The following SLC5A8 variants were observed in gnomAD, a reference collection of about 807,000 sequenced individuals.
The protein encoded by SLC5A8 is sodium-coupled monocarboxylate transporter 1.
A neutral mutation model predicts 71.9 loss-of-function variants in SLC5A8; 55 were observed. That is an observed-to-expected ratio of 0.77 (90% CI 0.62 to 0.96). The LOEUF (loss-of-function observed/expected upper bound fraction) is 0.96. SLC5A8 is among the 40% of genes least tolerant of loss of function. SLC5A8 has a pLI of 0.00. For missense variants in SLC5A8, 701 were observed against 745.3 expected (o/e 0.94, Z 0.69); for synonymous variants, 307 against 276.1 (o/e 1.11, Z -1.11).
chr12:101,207,224 A>G (rs992529821), intron 1 of SLC5A8, among the ~76,000 whole-genome samples: 2 of 152,192 alleles, frequency 1.3e-5, no homozygotes, highest in African/African-American at 4.8e-5. Flanking sequence ...TTCTCTCTGC[A>G]CTGGCGTAAG....
Position 101,167,357 on chromosome 12 carries a change from AAGG to A in SLC5A8, c.1321-661_1321-659del, listed in dbSNP as rs763750044. Among the ~76,000 whole-genome samples, 428 of 152,326 alleles carry A rather than the reference AAGG, an allele frequency of 2.8e-3. 1 individual carries two copies. The highest frequency in any genetic ancestry group is 5.2e-3 in the Non-Finnish European group (356 of 68,016). On this transcript the variant is annotated intron_variant, in intron 11 of 14. Transcript: ENST00000536262. ...GCCTTACCAATTCCTAATGCCTTATAAGGAAAATAGAATTCCAAATGTGAAGTC... is the reference window on the plus strand; with the variant it reads ...GCCTTACCAATTCCTAATGCCTTATAAAAATAGAATTCCAAATGTGAAGTC...
chr12:101,188,536 T>G lies in SLC5A8; in HGVS notation c.834-1021A>C, dbSNP rs574626893. Among the ~76,000 whole-genome samples, 66 of 152,284 alleles carry G rather than the reference T, an allele frequency of 4.3e-4. No homozygotes were observed. In the South Asian group the frequency reaches 0.013, roughly 30 times the overall value. ...AAGGCCCAGTCCCCTCACCCTAACA[T>G]GGGACTAGTCTGAAGAGCCACCCTA... On this transcript the variant is annotated intron_variant, in intron 6 of 14. Coordinates refer to ENST00000536262, the MANE Select transcript of SLC5A8 (RefSeq NM_145913.5).
chr12:101,209,348 G>C, intron 1 of SLC5A8, 150 bp downstream of exon 1: 3 of 639,616 alleles, frequency 4.7e-6, no homozygotes, highest in Admixed American at 6.0e-5. Flanking sequence ...TCGGGGGACG[G>C]GGAGGAGTGA....
At chr12:101,185,069 C>T (rs1405024415) in intron 7 of SLC5A8, among the ~76,000 whole-genome samples, 2 of 152,150 alleles carry the variant, frequency 1.3e-5, no homozygotes, top group African/African-American at 2.4e-5. Flanking sequence ...TTATCGGCTT[C>T]CATAGCCTCT....
chr12:101,158,489 G>A (rs1215113922), intron 13 of SLC5A8, among the ~76,000 whole-genome samples, 161 bp from the exon 14 acceptor site: 4 of 147,778 alleles, frequency 2.7e-5, no homozygotes, highest in East Asian at 2.1e-4. Context: ...CACTTAGCCC[G>A]CAATTCCCCT....
At chr12:101,173,765 C>T (rs2051853765) in intron 10 of SLC5A8, among the ~76,000 whole-genome samples, 1 of 152,216 alleles carries the variant, frequency 6.6e-6, no homozygotes, top group South Asian at 2.1e-4. Flanking sequence ...TGGGCAACAG[C>T]ACATAACCCT....
chr12:101,198,619 C>T (rs1019005398), intron 3 of SLC5A8, among the ~76,000 whole-genome samples: 10 of 151,824 alleles, frequency 6.6e-5, no homozygotes, highest in East Asian at 5.8e-4. Context: ...TCTATATTTA[C>T]GAAATAAACT....
chr12:101,179,881 TA>T (rs1312677079), intron 10 of SLC5A8, 147 bp downstream of exon 10: 53 of 768,292 alleles, frequency 6.9e-5, no homozygotes, highest in Non-Finnish European at 9.1e-5. Context: ...AAAGTTTAAT[TA>T]AAAAAAATTA....
chr12:101,183,939 A>T (rs956973287), intron 8 of SLC5A8, among the ~76,000 whole-genome samples, 195 bp downstream of exon 8: 18 of 152,206 alleles, frequency 1.2e-4, no homozygotes, highest in Non-Finnish European at 2.2e-4. Context: ...GACCTAGTTA[A>T]AAGTGGAGCC....
At chr12:101,184,107 ATATGT>A in intron 8 of SLC5A8, 22 bp downstream of exon 8, 1 of 1,584,134 alleles carries the variant, frequency 6.3e-7, no homozygotes, top group Non-Finnish European at 8.6e-7. Flanking sequence ...CAGGGAAATC[ATATGT>A]TATTAGAGTC....
At chr12:101,198,919 A>C (rs1593382760) in intron 3 of SLC5A8, among the ~76,000 whole-genome samples, 2 of 152,068 alleles carry the variant, frequency 1.3e-5, no homozygotes, top group South Asian at 4.1e-4. Context: ...TTTCACATTA[A>C]CATTACAATA....
chr12:101,161,131 T>A (rs2051719844), intron 13 of SLC5A8, among the ~76,000 whole-genome samples: 1 of 152,184 alleles, frequency 6.6e-6, no homozygotes, highest in African/African-American at 2.4e-5. Context: ...GAAAAGTTCT[T>A]TTCAACCCTA....
At chr12:101,181,885 T>C (rs1332341431) in intron 9 of SLC5A8, among the ~76,000 whole-genome samples, 1 of 152,188 alleles carries the variant, frequency 6.6e-6, no homozygotes, top group Non-Finnish European at 1.5e-5. Context: ...CAGGCTACAG[T>C]TGTGGCAATT....
At chr12:101,173,931 C>T (rs1206017874) in intron 10 of SLC5A8, among the ~76,000 whole-genome samples, 4 of 152,192 alleles carry the variant, frequency 2.6e-5, no homozygotes, top group African/African-American at 7.2e-5. Flanking sequence ...CTGCTTCCTC[C>T]TCCTTAGAGC....
At chr12:101,168,002 G>A (rs1181967479) in intron 11 of SLC5A8, 94 bp downstream of exon 11, 1 of 1,194,188 alleles carries the variant, frequency 8.4e-7, no homozygotes, top group Non-Finnish European at 1.2e-6. Context: ...AGTAGCTAAT[G>A]ACAAATCTCA....
intron 10 of SLC5A8, among the ~76,000 whole-genome samples, chr12:101,177,543 C>T (rs1400094097): frequency 6.6e-6 from 1 of 151,392 alleles, no homozygotes; most frequent in Non-Finnish European, 1.5e-5. Context: ...TGTAAAAATT[C>T]TTAATAAAAT....
chr12:101,169,366 A>G (rs2051806457), intron 10 of SLC5A8, among the ~76,000 whole-genome samples: 2 of 152,210 alleles, frequency 1.3e-5, no homozygotes, highest in Admixed American at 6.5e-5. Flanking sequence ...GAAAAAGGGG[A>G]ATCAACCACA....
intron 10 of SLC5A8, among the ~76,000 whole-genome samples, chr12:101,172,381 G>A (rs948740088): frequency 5.9e-5 from 9 of 152,174 alleles, no homozygotes; most frequent in Non-Finnish European, 1.3e-4. Flanking sequence ...ATGGGTGGTA[G>A]GTCAGTGGGT....
rs373958678 is a variant in SLC5A8, at chr12:101,198,554, TA to T, written c.470-3393del. Among the ~76,000 whole-genome samples, 627 of 152,046 alleles carry T rather than the reference TA, an allele frequency of 4.1e-3. 6 individuals carry two copies. The highest frequency in any genetic ancestry group is 0.014 in the African/African-American group (587 of 41,568). On this transcript the variant is annotated intron_variant, in intron 3 of 14. Transcript: ENST00000536262. ...AGTTAGACCAAATGGAAGCATTCCC[TA>T]AAAAATACAATTTACCAAAACTGAC... is the stretch of plus-strand genomic sequence containing the variant.
Sources: allele counts gnomAD v4.1 joint callset (sites outside exome capture counted in the v4.1 genomes callset), GRCh38; gene constraint gnomAD v4.1.1; transcripts MANE v1.5; gene names NCBI Gene and HGNC (gene_info 2026-07-23, HGNC 2026-07-21).